FBLN1: variants seen among roughly 807,000 people sequenced by gnomAD.
FBLN1 encodes the protein fibulin-1.
FBLN1 carries 34 observed loss-of-function variants against 89.7 expected under a neutral mutation model. The observed-to-expected ratio is 0.38, with a 90% CI of 0.29 to 0.50. The LOEUF (loss-of-function observed/expected upper bound fraction) is 0.50. Among genes scored for constraint, FBLN1 ranks in the 20% least tolerant of loss-of-function variants. The probability of loss-of-function intolerance (pLI) is 0.92; values close to 1 mark genes in which losing one functional copy is unlikely to be tolerated. For synonymous variants in FBLN1, 393 were observed against 391.3 expected (o/e 1.00, Z -0.05); for missense variants, 777 against 988.1 (o/e 0.79, Z 2.86).
rs142184719 is a variant in FBLN1, at chr22:45,590,452, G to A, written c.1973-9855G>A. ...GCTGAGAGCTGGGCTGGACGGGGCC[G>A]TGGGCCTCAGCAAGATGCGTCTCAC... On this transcript the variant is annotated intron_variant, in intron 16 of 16. Coordinates refer to ENST00000327858, the MANE Select transcript of FBLN1 (RefSeq NM_006486.3). The surrounding 1 kb of genome is among the most constrained non-coding windows in gnomAD (Gnocchi z 4.1). 0.011 allele frequency among the ~76,000 whole-genome samples: 1,739 copies of A among 152,294 alleles called. 21 individuals carry two copies. Among genetic ancestry groups the A allele is most frequent in the Middle Eastern group, 0.034 (10 of 294 alleles).
Position 45,549,335 on chromosome 22 carries a change from G to A in FBLN1, c.1573+591G>A, listed in dbSNP as rs909306264. ...GCGTGATCCTCAGTGTACACACTGCGCCCAGAAGCTGAGTCATGGAGGTGG... is the reference window on the plus strand; with the variant it reads ...GCGTGATCCTCAGTGTACACACTGCACCCAGAAGCTGAGTCATGGAGGTGG... On this transcript the variant is annotated intron_variant, in intron 13 of 16. Transcript: ENST00000327858. The surrounding 1 kb of genome is among the most constrained non-coding windows in gnomAD (Gnocchi z 5.7). Among the ~76,000 whole-genome samples the A allele has an allele frequency of 3.3e-5, 5 of 152,208 alleles. No individual in the cohort carries two copies. The highest frequency in any genetic ancestry group is 2.1e-4 in the South Asian group (1 of 4,834).
rs745526834 is a variant in FBLN1 at position 45,597,995 on chromosome 22, C to G, written c.1973-2312C>G. ...AAGGCCTTCCTGACCCCTCAGTTCT[C>G]CCCTGAGCCTTTGCTGTGTCCTGGG... On this transcript the variant is annotated intron_variant, in intron 16 of 16. Transcript: ENST00000327858. This position sits in a 1 kb window ranked among gnomAD's most constrained non-coding sequence, Gnocchi z 4.2. 3.3e-5 allele frequency among the ~76,000 whole-genome samples: 5 copies of G among 152,200 alleles called. No homozygotes were observed. The highest frequency in any genetic ancestry group is 7.4e-5 in the Non-Finnish European group (5 of 68,024).
In FBLN1 at chr22:45,575,790, C is replaced by T. The variant is rs1488319483; in HGVS notation, c.1840+1137C>T. On this transcript the variant is annotated intron_variant, in intron 15 of 16. Transcript: ENST00000327858. The surrounding 1 kb of genome is among the most constrained non-coding windows in gnomAD (Gnocchi z 6.3). ...GCTATGGATGGAGCATTGTCCTGTT[C>T]ACCTCGCTTCCTGGCTGTGCTGCCC... 6.6e-6 allele frequency among the ~76,000 whole-genome samples: 1 copy of T among 152,208 alleles called. No homozygotes were observed. The highest frequency in any genetic ancestry group is 2.4e-5 in the African/African-American group (1 of 41,448).
rs1422500883 is a variant in FBLN1, at chr22:45,583,802, A to G, written c.1972+6694A>G. 6.6e-6 allele frequency among the ~76,000 whole-genome samples: 1 copy of G among 151,614 alleles called. No homozygotes were observed. Among genetic ancestry groups the G allele is most frequent in the African/African-American group, 2.4e-5 (1 of 41,334 alleles). On this transcript the variant is annotated intron_variant, in intron 16 of 16. Coordinates refer to ENST00000327858, the MANE Select transcript of FBLN1 (RefSeq NM_006486.3). The surrounding 1 kb of genome is among the most constrained non-coding windows in gnomAD (Gnocchi z 4.5). ...GCCTGCAGCATGAGAGAGAGAGAGA[A>G]TGAGAGAGAGAGACAGAGAGAGACC...
At chr22:45,507,676 C>T (rs192527532) in intron 1 of FBLN1, among the ~76,000 whole-genome samples, 18 of 152,216 alleles carry the variant, frequency 1.2e-4, no homozygotes, top group African/African-American at 3.9e-4. Context: ...TACAGGCATG[C>T]GCCACCACAC....
chr22:45,557,930 G>C lies in FBLN1; in HGVS notation c.1697+7315G>C. 3.2e-6 allele frequency: 2 copies of C among 632,720 alleles called. No individual in the cohort carries two copies. Among genetic ancestry groups the C allele is most frequent in the South Asian group, 3.4e-5 (2 of 58,316 alleles). The allele number at this position is 632,720 out of a possible 1,614,324, so 39.2% of individuals were successfully genotyped here. ...GCATTGCTTGAAGTTCTGCCCACTG[G>C]GAAGATTTCCCTTTGCCACTGTCCT... On this transcript the variant is annotated intron_variant, in intron 14 of 16. Transcript: ENST00000327858. This position sits in a 1 kb window ranked among gnomAD's most constrained non-coding sequence, Gnocchi z 4.9.
chr22:45,528,136 C>T, intron 4 of FBLN1, 127 bp downstream of exon 4: 1 of 1,079,764 alleles, frequency 9.3e-7, no homozygotes, highest in Non-Finnish European at 1.4e-6. Context: ...CTGGCAAGTC[C>T]AAAATCTGCA....
intron 14 of FBLN1, among the ~76,000 whole-genome samples, chr22:45,567,045 G>A (rs1426841586): frequency 1.3e-5 from 2 of 152,344 alleles, no homozygotes; most frequent in Non-Finnish European, 1.5e-5. Context: ...GCACAGAAAG[G>A]TGAAGGAACT....
At chr22:45,509,194 C>A (rs951650083) in intron 1 of FBLN1, among the ~76,000 whole-genome samples, 1 of 152,056 alleles carries the variant, frequency 6.6e-6, no homozygotes, top group Non-Finnish European at 1.5e-5. Context: ...CCTGGAAGCC[C>A]AGGAGGCCCT....
rs914712422 is a variant in FBLN1, at chr22:45,542,295, G to GC, written c.1195+16dup. On this transcript the variant is annotated intron_variant, in intron 10 of 16. Coordinates refer to ENST00000327858, the MANE Select transcript of FBLN1 (RefSeq NM_006486.3). ...CAGGATGTGTGTCGGTGCGTGGGGGGCCCCGCAGGCCTCGGGGGAACCCAG... is the reference window on the plus strand; with the variant it reads ...CAGGATGTGTGTCGGTGCGTGGGGGGCCCCCGCAGGCCTCGGGGGAACCCAG... 6.2e-7 allele frequency: 1 copy of GC among 1,613,520 alleles called. No homozygotes were observed. The highest frequency in any genetic ancestry group is 1.3e-5 in the African/African-American group (1 of 75,058).
rs1250914256 is a variant in FBLN1, at chr22:45,579,873, AG to A, written c.1972+2769del. 5.9e-5 allele frequency among the ~76,000 whole-genome samples: 9 copies of A among 151,978 alleles called. No homozygotes were observed. In the East Asian group the frequency reaches 1.8e-3, roughly 30 times the overall value. Reference sequence around the variant, plus strand: ...ACATCCTGGGAGCTTCCTGGTCCCTAGGGGCAGCCATCCCGGCACACGGCTC... The same window carrying A: ...ACATCCTGGGAGCTTCCTGGTCCCTAGGGCAGCCATCCCGGCACACGGCTC... On this transcript the variant is annotated intron_variant, in intron 16 of 16. Coordinates refer to ENST00000327858, the MANE Select transcript of FBLN1 (RefSeq NM_006486.3). The surrounding 1 kb of genome is among the most constrained non-coding windows in gnomAD (Gnocchi z 5.5).
chr22:45,579,521 G>T lies in FBLN1; in HGVS notation c.1972+2413G>T, dbSNP rs1036235585. Among the ~76,000 whole-genome samples the T allele has an allele frequency of 2.6e-5, 4 of 152,226 alleles. No homozygotes were observed. The highest frequency in any genetic ancestry group is 7.2e-5 in the African/African-American group (3 of 41,462). ...TTGGAATTCTGGGCTGGGGCTGCGT[G>T]GGGGAGGGCCCCAGCCTGGCCCTTG... On this transcript the variant is annotated intron_variant, in intron 16 of 16. Transcript: ENST00000327858. This position sits in a 1 kb window ranked among gnomAD's most constrained non-coding sequence, Gnocchi z 5.5.
In FBLN1 at chr22:45,532,945, C is replaced by T; in HGVS notation, c.545-118C>T. ...GCAGGTGGGCTCCAGCCAGGTCAGC[C>T]TGCCTTCCTGGGTTCGTCTGCCCAG... On this transcript the variant is annotated intron_variant, in intron 5 of 16. Coordinates refer to ENST00000327858, the MANE Select transcript of FBLN1 (RefSeq NM_006486.3). This position sits in a 1 kb window ranked among gnomAD's most constrained non-coding sequence, Gnocchi z 4.2. 1 of 905,504 alleles carries T rather than the reference C, an allele frequency of 1.1e-6. No individual in the cohort carries two copies. The highest frequency in any genetic ancestry group is 1.8e-6 in the Non-Finnish European group (1 of 570,440). The allele number at this position is 905,504 out of a possible 1,614,324, so 56.1% of individuals were successfully genotyped here.
At chr22:45,559,115 A>G (rs1339662369) in intron 14 of FBLN1, among the ~76,000 whole-genome samples, 1 of 152,238 alleles carries the variant, frequency 6.6e-6, no homozygotes, top group East Asian at 1.9e-4. Flanking sequence ...GCTGAAGACA[A>G]ATTGCTTCTG....
Position 45,574,404 on chromosome 22 carries a change from C to A in FBLN1, c.1698-107C>A. ...TTCTCTGATGGAGCTGTCTCTGGGA[C>A]AGATGCCCCTGCCCTGGCCACCTGC... On this transcript the variant is annotated intron_variant, in intron 14 of 16. Coordinates refer to ENST00000327858, the MANE Select transcript of FBLN1 (RefSeq NM_006486.3). This position sits in a 1 kb window ranked among gnomAD's most constrained non-coding sequence, Gnocchi z 4.1. The A allele has an allele frequency of 2.5e-6, 3 of 1,217,658 alleles. No individual in the cohort carries two copies. Among genetic ancestry groups the A allele is most frequent in the Non-Finnish European group, 3.6e-6 (3 of 841,252 alleles). 75.4% of individuals were successfully genotyped at this position (1,217,658 alleles called of 1,614,324 possible). A position where few individuals can be genotyped will look rare whatever the true frequency, so the allele number is the denominator to read the frequency against.
In FBLN1 at chr22:45,562,346, G is replaced by C. The variant is rs2088858180; in HGVS notation, c.1697+11731G>C. On this transcript the variant is annotated intron_variant, in intron 14 of 16. Coordinates refer to ENST00000327858, the MANE Select transcript of FBLN1 (RefSeq NM_006486.3). The surrounding 1 kb of genome is among the most constrained non-coding windows in gnomAD (Gnocchi z 7.8). ...CTCACTCACTCTGTGACCTTGGGAA[G>C]TGGGAAGGCCACATTCTCTCTGAGC... Among the ~76,000 whole-genome samples the C allele has an allele frequency of 6.6e-6, 1 of 152,246 alleles. No homozygotes were observed. Among genetic ancestry groups the C allele is most frequent in the African/African-American group, 2.4e-5 (1 of 41,472 alleles).
chr22:45,568,433 C>T (rs62225031), intron 14 of FBLN1, among the ~76,000 whole-genome samples: 4,847 of 66,880 alleles, frequency 0.072, 400 homozygotes, highest in African/African-American at 0.14. Flanking sequence ...GGGGAGTGCT[C>T]CTTCTGTAGG....
chr22:45,521,968 CTGT>C (rs1393127424), intron 2 of FBLN1, among the ~76,000 whole-genome samples: 1 of 151,884 alleles, frequency 6.6e-6, no homozygotes, highest in Non-Finnish European at 1.5e-5. Flanking sequence ...CCTGGTTTGT[CTGT>C]TGTGTTAGCC....
intron 1 of FBLN1, among the ~76,000 whole-genome samples, chr22:45,507,051 G>A (rs182686018): frequency 6.6e-6 from 1 of 152,290 alleles, no homozygotes; most frequent in Non-Finnish European, 1.5e-5. Flanking sequence ...GTGGGAGGGG[G>A]GAACCACTGT....
Sources: allele counts gnomAD v4.1 joint callset (sites outside exome capture counted in the v4.1 genomes callset), GRCh38; gene constraint gnomAD v4.1.1; non-coding constraint Gnocchi (gnomAD v3.1); transcripts MANE v1.5; gene names NCBI Gene and HGNC (gene_info 2026-07-23, HGNC 2026-07-21).